LRRC69: variants seen among roughly 807,000 people sequenced by gnomAD.
The protein encoded by LRRC69 is leucine rich repeat containing 69.
LRRC69 carries 42 observed loss-of-function variants against 37.8 expected under a neutral mutation model. The observed-to-expected ratio is 1.11, with a 90% confidence interval of 0.87 to 1.44. The LOEUF (loss-of-function observed/expected upper bound fraction) is 1.44, where lower values mean the gene tolerates loss of function less well. Among genes scored for constraint, LRRC69 ranks in the 40% most tolerant of loss-of-function variants. The pLI, the probability that LRRC69 is intolerant of heterozygous loss-of-function variation, is 0.00. For missense variants in LRRC69, 357 were observed against 401.9 expected, an observed-to-expected ratio of 0.89 and a Z score of 0.96; for synonymous variants, 141 against 143.1, an observed-to-expected ratio of 0.99 and a Z score of 0.11.
chr8:91,216,431 C>T (rs758094227), intron 7 of LRRC69, among the ~76,000 whole-genome samples: 1 of 152,146 alleles, frequency 6.6e-6, no homozygotes, highest in Non-Finnish European at 1.5e-5. Context: ...AATCAGATGT[C>T]GAACTTGTTT....
chr8:91,124,213 G>T (rs556083196), intron 1 of LRRC69, among the ~76,000 whole-genome samples: 1 of 152,080 alleles, frequency 6.6e-6, no homozygotes, highest in South Asian at 2.1e-4. Flanking sequence ...ATCATCGGTT[G>T]TGGTTTTACA....
At chr8:91,197,289 CTTTT>C in intron 6 of LRRC69, among the ~76,000 whole-genome samples, 1 of 152,270 alleles carries the variant, frequency 6.6e-6, no homozygotes, top group Non-Finnish European at 1.5e-5. Context: ...TTACTGCTGT[CTTTT>C]TGTTTGTCTG....
At chr8:91,152,236 C>A (rs904993456) in intron 5 of LRRC69, among the ~76,000 whole-genome samples, 2 of 151,126 alleles carry the variant, frequency 1.3e-5, no homozygotes, top group African/African-American at 4.8e-5. Context: ...GTATTGCCTG[C>A]GTTTTCTTCT....
rs528103123 is a variant in LRRC69 at position 91,141,146 on chromosome 8, T to C, written c.651+5407T>C. Among the ~76,000 whole-genome samples, 3 of 152,238 alleles carry C rather than the reference T, an allele frequency of 2.0e-5. No homozygotes were observed. In the South Asian group the frequency reaches 6.2e-4, roughly 32 times the overall value. ...TTCAGAGAATAACATATCTGAAGTATGGCCTTTAGTGGACACTGGACAATT... is the reference window on the plus strand; with the variant it reads ...TTCAGAGAATAACATATCTGAAGTACGGCCTTTAGTGGACACTGGACAATT... On this transcript the variant is annotated intron_variant, in intron 5 of 7. Coordinates refer to ENST00000448384, the Ensembl canonical transcript of LRRC69.
chr8:91,171,193 G>C (rs574034781), intron 5 of LRRC69, among the ~76,000 whole-genome samples: 1 of 151,928 alleles, frequency 6.6e-6, no homozygotes, highest in Admixed American at 6.6e-5. Context: ...AGGCTGAATC[G>C]TGTTTCTCAA....
intron 5 of LRRC69, among the ~76,000 whole-genome samples, chr8:91,142,323 A>G (rs777849451): frequency 6.6e-6 from 1 of 152,130 alleles, no homozygotes; most frequent in Admixed American, 6.5e-5. Context: ...ATCCTCCGTT[A>G]GCAATCTATC....
chr8:91,151,049 T>C (rs2130546501), intron 5 of LRRC69, among the ~76,000 whole-genome samples: 1 of 151,942 alleles, frequency 6.6e-6, no homozygotes, highest in African/African-American at 2.4e-5. Context: ...CCTGGATTCA[T>C]TGATTTTTTG....
chr8:91,117,488 G>A (rs1453511827), intron 1 of LRRC69, among the ~76,000 whole-genome samples: 1 of 149,400 alleles, frequency 6.7e-6, no homozygotes, highest in East Asian at 2.0e-4. Flanking sequence ...AGGGGGCATT[G>A]TCCAGTTTTA....
intron 1 of LRRC69, among the ~76,000 whole-genome samples, chr8:91,114,412 A>G (rs1048507287): frequency 9.2e-5 from 14 of 151,672 alleles, no homozygotes; most frequent in South Asian, 8.3e-4. Flanking sequence ...ATGTCCATCA[A>G]TGGACAAATG....
intron 5 of LRRC69, among the ~76,000 whole-genome samples, chr8:91,139,402 C>T (rs1218833591): frequency 2.0e-5 from 3 of 151,814 alleles, no homozygotes; most frequent in Non-Finnish European, 2.9e-5. Context: ...ATTAGCAGGG[C>T]GTGGTGGCGG....
At chr8:91,202,027 A>G (rs1280564709) in intron 7 of LRRC69, among the ~76,000 whole-genome samples, 1 of 151,984 alleles carries the variant, frequency 6.6e-6, no homozygotes, top group East Asian at 1.9e-4. Context: ...CCAATATGAT[A>G]AAATCACATC....
intron 5 of LRRC69, among the ~76,000 whole-genome samples, chr8:91,144,850 T>A (rs1808590539): frequency 6.6e-6 from 1 of 151,992 alleles, no homozygotes; most frequent in African/African-American, 2.4e-5. Flanking sequence ...TAAATATTTT[T>A]TGTGCTTAAT....
chr8:91,206,621 A>C (rs938444400), intron 7 of LRRC69: 1 of 1,229,548 alleles, frequency 8.1e-7, no homozygotes, highest in Non-Finnish European at 1.1e-6. Context: ...GCCATGTTTA[A>C]TTGTGCTCTG....
intron 7 of LRRC69, among the ~76,000 whole-genome samples, chr8:91,202,510 A>G (rs1269441857): frequency 1.3e-5 from 2 of 151,828 alleles, no homozygotes; most frequent in Middle Eastern, 3.2e-3. Flanking sequence ...AGAGGAAATG[A>G]TATTTTAAAT....
chr8:91,201,674 T>C (rs528582673), intron 7 of LRRC69, among the ~76,000 whole-genome samples: 1 of 152,318 alleles, frequency 6.6e-6, no homozygotes, highest in South Asian at 2.1e-4. Flanking sequence ...TTTCTGCTCT[T>C]GGTGAGCCCT....
Position 91,166,492 on chromosome 8 carries a change from G to GAAAAAAAAAAAAAAAA in LRRC69, c.652-23021_652-23006dup, listed in dbSNP as rs66705016. Among the ~76,000 whole-genome samples the GAAAAAAAAAAAAAAAA allele has an allele frequency of 4.2e-5, 4 of 95,254 alleles. 1 individual carries two copies. The highest frequency in any genetic ancestry group is 1.0e-4 in the African/African-American group (2 of 19,528). The allele number at this position is 95,254 out of a possible 152,430, so 62.5% of individuals were successfully genotyped here. On this transcript the variant is annotated intron_variant, in intron 5 of 7. Transcript: ENST00000448384. ...GGAAGAGGGGGTTGTAAAATAAACT[G>GAAAAAAAAAAAAAAAA]AAAAAAAAAAAAAAAAAAAAAAAAC...
chr8:91,219,040 C>T (rs1028807980), downstream of LRRC69: 6 of 1,133,868 alleles, frequency 5.3e-6, 1 homozygote, highest in South Asian at 5.7e-5. Context: ...CTCCACTTGC[C>T]CTGTCAGCTC....
At chr8:91,157,158 C>T (rs879927983) in intron 5 of LRRC69, 1 of 717,182 alleles carries the variant, frequency 1.4e-6, no homozygotes. Flanking sequence ...TGAAGAGTGT[C>T]ATTGGTATTT....
At chr8:91,131,435 A>C (rs78489448) in intron 3 of LRRC69, among the ~76,000 whole-genome samples, 5 of 151,898 alleles carry the variant, frequency 3.3e-5, no homozygotes, top group African/African-American at 7.2e-5. Flanking sequence ...TATTGAATCT[A>C]TAGATCAATA....
Sources: allele counts gnomAD v4.1 joint callset (sites outside exome capture counted in the v4.1 genomes callset), GRCh38; gene constraint gnomAD v4.1.1; transcripts MANE v1.5; gene names NCBI Gene and HGNC (gene_info 2026-07-23, HGNC 2026-07-21).